Variants in CYTH3 observed in about 807,000 individuals in gnomAD.
CYTH3 encodes cytohesin 3.
A neutral mutation model predicts 55.1 loss-of-function variants in CYTH3; 23 were observed. The ratio of observed to expected loss-of-function variants is 0.42; its 90% CI spans 0.30 to 0.59. The LOEUF is 0.59. Among genes scored for constraint, CYTH3 ranks in the 20% least tolerant of loss-of-function variants. The probability of loss-of-function intolerance (pLI) is 0.20; values close to 1 mark genes in which losing one functional copy is unlikely to be tolerated. For synonymous variants in CYTH3, 249 were observed against 194.9 expected, an observed-to-expected ratio of 1.28 and a Z score of -2.31; for missense variants, 413 against 524.8, an observed-to-expected ratio of 0.79 and a Z score of 2.08.
chr7:6,180,066 G>C (rs1256704233), intron 4 of CYTH3, among the ~76,000 whole-genome samples: 1 of 152,226 alleles, frequency 6.6e-6, no homozygotes, highest in Non-Finnish European at 1.5e-5. Context: ...AGGAAAACAA[G>C]TGAGGCCGGT....
In CYTH3 at chr7:6,169,662, G is replaced by A. The variant is rs1365796412; in HGVS notation, c.823+873C>T. Among the ~76,000 whole-genome samples, 1 of 152,178 alleles carries A rather than the reference G, an allele frequency of 6.6e-6. No individual in the cohort carries two copies. The highest frequency in any genetic ancestry group is 2.4e-5 in the African/African-American group (1 of 41,436). ...TAAGGCAACCATCCCCGCCCCGCAG[G>A]CAAAACAACCCCTCAGCATTTCTAA... On this transcript the variant is annotated intron_variant, in intron 9 of 12. Coordinates refer to ENST00000350796, the MANE Select transcript of CYTH3 (RefSeq NM_004227.4). The surrounding 1 kb of genome is among the most constrained non-coding windows in gnomAD (Gnocchi z 4.1).
chr7:6,205,597 A>G (rs1436950668), intron 1 of CYTH3, among the ~76,000 whole-genome samples: 3 of 152,162 alleles, frequency 2.0e-5, no homozygotes, highest in Admixed American at 2.0e-4. Context: ...AAAAACAAGA[A>G]AAGAAGAGAA....
rs979104050 is a variant in CYTH3 at position 6,167,265 on chromosome 7, G to A, written c.824-1455C>T. ...ACACCAGGGAGGCCCAAGTCCACAG[G>A]GGAGGGCAGGAGACCCTGGGGGCAA... On this transcript the variant is annotated intron_variant, in intron 9 of 12. Coordinates refer to ENST00000350796, the MANE Select transcript of CYTH3 (RefSeq NM_004227.4). The surrounding 1 kb of genome is among the most constrained non-coding windows in gnomAD (Gnocchi z 5.5). 1.3e-5 allele frequency among the ~76,000 whole-genome samples: 2 copies of A among 152,180 alleles called. No individual in the cohort carries two copies. Among genetic ancestry groups the A allele is most frequent in the East Asian group, 1.9e-4 (1 of 5,180 alleles).
intron 4 of CYTH3, among the ~76,000 whole-genome samples, chr7:6,179,740 A>C (rs1562881506): frequency 8.2e-4 from 77 of 94,120 alleles, no homozygotes; most frequent in African/African-American, 2.8e-3. Context: ...CACACCCACC[A>C]CACACACCCC....
intron 1 of CYTH3, among the ~76,000 whole-genome samples, chr7:6,193,654 G>A (rs955981532): frequency 3.1e-4 from 47 of 152,164 alleles, no homozygotes; most frequent in Admixed American, 1.3e-3. Flanking sequence ...TCTGGAGGGG[G>A]CTGTGAAGGA....
chr7:6,265,476 G>A (rs369492566), intron 1 of CYTH3, among the ~76,000 whole-genome samples: 1 of 151,652 alleles, frequency 6.6e-6, no homozygotes, highest in Non-Finnish European at 1.5e-5. Context: ...AAAATTAGCC[G>A]GGCATGGTGG....
chr7:6,232,828 C>G (rs973407599), intron 1 of CYTH3, among the ~76,000 whole-genome samples: 1 of 152,192 alleles, frequency 6.6e-6, no homozygotes, highest in Non-Finnish European at 1.5e-5. Context: ...TCCTTATACA[C>G]TTAAATTAGC....
chr7:6,257,662 G>A (rs188574402), intron 1 of CYTH3, among the ~76,000 whole-genome samples: 89 of 152,350 alleles, frequency 5.8e-4, no homozygotes, highest in African/African-American at 2.1e-3. Context: ...ATTTATGGCA[G>A]AGAAAAGGTG....
At chr7:6,266,337 A>AC (rs1253280504) in intron 1 of CYTH3, among the ~76,000 whole-genome samples, 6 of 152,304 alleles carry the variant, frequency 3.9e-5, no homozygotes, top group Admixed American at 2.0e-4. Context: ...CTATGCCTCC[A>AC]TTTTCCAATC....
At chr7:6,247,640 A>G (rs942384594) in intron 1 of CYTH3, among the ~76,000 whole-genome samples, 1 of 151,916 alleles carries the variant, frequency 6.6e-6, no homozygotes, top group African/African-American at 2.4e-5. Context: ...CTTTCATTTC[A>G]CTTTATAATT....
chr7:6,272,409 C>CGGGGGGGGGGGGGGGGGGGGGGG, intron 1 of CYTH3, 65 bp downstream of exon 1: 4 of 1,212,388 alleles, frequency 3.3e-6, no homozygotes, highest in African/African-American at 1.6e-5. Context: ...GCCGCGCCCT[C>CGGGGGGGGGGGGGGGGGGGGGGG]GACCCCCAGC....
intron 1 of CYTH3, among the ~76,000 whole-genome samples, chr7:6,227,629 C>T (rs1779289210): frequency 6.6e-6 from 1 of 152,312 alleles, no homozygotes; most frequent in Middle Eastern, 3.4e-3. Context: ...GGCAGCTTTG[C>T]CAAGGCTGGA....
rs561045001 is a variant in CYTH3, at chr7:6,200,352, T to TTC, written c.35-9823_35-9822dup. ...CGGAGTTCACTCGCAGTCCTATGACTTCTCCTGGAGAAAGATGGAGTTTCA... is the reference window on the plus strand; with the variant it reads ...CGGAGTTCACTCGCAGTCCTATGACTTCTCTCCTGGAGAAAGATGGAGTTTCA... On this transcript the variant is annotated intron_variant, in intron 1 of 12. Coordinates refer to ENST00000350796, the MANE Select transcript of CYTH3 (RefSeq NM_004227.4). Among the ~76,000 whole-genome samples the TTC allele has an allele frequency of 8.8e-4, 134 of 152,340 alleles. 3 individuals carry two copies. In the East Asian group the frequency reaches 0.021, roughly 24 times the overall value.
At chr7:6,218,834 A>G (rs1291478186) in intron 1 of CYTH3, among the ~76,000 whole-genome samples, 6 of 151,972 alleles carry the variant, frequency 3.9e-5, no homozygotes, top group Non-Finnish European at 7.4e-5. Context: ...GCGAAACTCC[A>G]TCTCTACTAA....
chr7:6,177,128 T>C (rs2128540044), intron 5 of CYTH3, among the ~76,000 whole-genome samples: 1 of 152,374 alleles, frequency 6.6e-6, no homozygotes, highest in Non-Finnish European at 1.5e-5. Context: ...GGTCTGCCAT[T>C]TTCTAGCGGT....
At chr7:6,185,881 C>G (rs1176886155) in intron 4 of CYTH3, among the ~76,000 whole-genome samples, 1 of 151,934 alleles carries the variant, frequency 6.6e-6, no homozygotes, top group South Asian at 2.1e-4. Flanking sequence ...AGATATTTAT[C>G]GAAGGAACAA....
chr7:6,247,344 A>G (rs1239481892), intron 1 of CYTH3, among the ~76,000 whole-genome samples: 1 of 152,068 alleles, frequency 6.6e-6, no homozygotes, highest in Non-Finnish European at 1.5e-5. Flanking sequence ...TTTGCAGGGT[A>G]CTCTCTTGCT....
chr7:6,165,198 A>G (rs1782953003), intron 12 of CYTH3, 75 bp downstream of exon 12: 2 of 1,563,292 alleles, frequency 1.3e-6, no homozygotes, highest in Non-Finnish European at 1.7e-6. Flanking sequence ...GGAAGCATCC[A>G]TGTTCCAGAC....
intron 5 of CYTH3, among the ~76,000 whole-genome samples, chr7:6,176,088 T>C (rs1175753413): frequency 6.6e-6 from 1 of 152,026 alleles, no homozygotes; most frequent in Non-Finnish European, 1.5e-5. Context: ...TTTATTTAGG[T>C]CTTTTCATTT....
Sources: gnomAD v4.1 joint callset for allele counts (sites outside exome capture counted in the v4.1 genomes callset) on GRCh38, gnomAD v4.1.1 for gene constraint, Gnocchi (gnomAD v3.1) non-coding constraint, MANE v1.5 for transcripts, NCBI Gene and HGNC (gene_info 2026-07-23, HGNC 2026-07-21) for gene names.